Variants in TTC39B observed in about 807,000 individuals in gnomAD.
TTC39B encodes tetratricopeptide repeat domain 39B, also known as tetratricopeptide repeat protein 39B.
In TTC39B, 92 loss-of-function variants were observed where a neutral mutation model predicts 96.6. The observed-to-expected ratio is 0.95, with a 90% CI of 0.80 to 1.13. The LOEUF is 1.13. Among genes scored for constraint, TTC39B ranks in the 50% most tolerant of loss-of-function variants. The probability of loss-of-function intolerance (pLI) is 0.00; values close to 1 mark genes in which losing one functional copy is unlikely to be tolerated. For synonymous variants in TTC39B, 367 were observed against 299.4 expected (o/e 1.23, Z -2.33); for missense variants, 955 against 809.3 (o/e 1.18, Z -2.18).
At chr9:15,276,479 G>C (rs1389262137) in intron 1 of TTC39B, among the ~76,000 whole-genome samples, 1 of 152,316 alleles carries the variant, frequency 6.6e-6, no homozygotes, top group Non-Finnish European at 1.5e-5. Flanking sequence ...CATCAAGGTA[G>C]TCATGACTTG....
intron 1 of TTC39B, among the ~76,000 whole-genome samples, chr9:15,281,625 CAAA>C (rs1161175672): frequency 1.0e-4 from 5 of 48,994 alleles, no homozygotes; most frequent in Admixed American, 2.5e-4. Context: ...CCTGCAACAG[CAAA>C]AAAAAAAAAA....
intron 1 of TTC39B, among the ~76,000 whole-genome samples, chr9:15,303,620 T>C (rs1047462384): frequency 1.3e-5 from 2 of 152,116 alleles, no homozygotes; most frequent in Admixed American, 6.6e-5. Context: ...AACTTTTGTT[T>C]CATATGAGAA....
chr9:15,187,051 G>A lies in TTC39B; in HGVS notation c.1396-16C>T. ...CATAAGTTGCCTTGAGAAAAAGAAG[G>A]AGCTTATTACAGAACATCCCTAGGT... On this transcript the variant is annotated splice_polypyrimidine_tract_variant and intron_variant, in intron 14 of 19. Transcript: ENST00000512701. 1 of 1,600,552 alleles carries A rather than the reference G, an allele frequency of 6.2e-7. No individual in the cohort carries two copies. Among genetic ancestry groups the A allele is most frequent in the Non-Finnish European group, 8.5e-7 (1 of 1,171,444 alleles).
Position 15,214,248 on chromosome 9 carries a change from A to T in TTC39B, c.373T>A (p.Ser125Thr), listed in dbSNP as rs755639947. The T allele has an allele frequency of 4.3e-6, 7 of 1,612,132 alleles. No individual in the cohort carries two copies. The Admixed American group carries it at 1.2e-4, about 27-fold the overall frequency. The change falls in exon 4 of 20, where the codon TCA (serine) becomes ACA (threonine). Residue 125 changes from serine (S) to threonine (T), a missense_variant and splice_region_variant. Physicochemically the swap from Ser to Thr is moderately conservative, Grantham distance 58. Coordinates refer to ENST00000512701, the Ensembl canonical transcript of TTC39B. ...TTGAGATCCACCTTGGTTGATGATG[A>T]ACTAAAGATCAAGAAAAAAGCACAG...
At chr9:15,184,109 A>G (rs971773703) in intron 16 of TTC39B, among the ~76,000 whole-genome samples, 11 of 152,328 alleles carry the variant, frequency 7.2e-5, no homozygotes, top group Middle Eastern at 3.4e-3. Flanking sequence ...TTTACAAAAG[A>G]AAAAATAAAA....
At chr9:15,226,357 T>C (rs189285842) in intron 2 of TTC39B, among the ~76,000 whole-genome samples, 15 of 152,346 alleles carry the variant, frequency 9.8e-5, no homozygotes, top group African/African-American at 1.9e-4. Flanking sequence ...TTATTAAAGA[T>C]ACTTATTATA....
At chr9:15,297,642 T>C (rs965816145) in intron 1 of TTC39B, among the ~76,000 whole-genome samples, 6 of 152,176 alleles carry the variant, frequency 3.9e-5, no homozygotes, top group Non-Finnish European at 8.8e-5. Flanking sequence ...CCTTAATTAT[T>C]AGGTACCCTT....
chr9:15,237,048 C>T (rs763216611), intron 2 of TTC39B, among the ~76,000 whole-genome samples: 4 of 151,132 alleles, frequency 2.6e-5, no homozygotes, highest in African/African-American at 7.3e-5. Flanking sequence ...GGCACAGTGG[C>T]TCATGCCTGT....
intron 2 of TTC39B, among the ~76,000 whole-genome samples, chr9:15,234,878 G>C (rs1821695576): frequency 1.3e-5 from 2 of 151,714 alleles, no homozygotes; most frequent in African/African-American, 4.8e-5. Flanking sequence ...AAGTACCCAG[G>C]GACACAAACA....
rs762808455 is a variant in TTC39B at position 15,233,928 on chromosome 9, C to G, written c.276-7916G>C. Among the ~76,000 whole-genome samples, 79 of 151,814 alleles carry G rather than the reference C, an allele frequency of 5.2e-4. 5 individuals are homozygous for G. In the Middle Eastern group the frequency reaches 0.051, roughly 98 times the overall value. On this transcript the variant is annotated intron_variant, in intron 2 of 19. Transcript: ENST00000512701. ...GAAGTGAGGAGCGCCTCTTCCCCGC[C>G]GCCATCCCATCTAGGAAGTGAGGAG...
rs192423431 is a variant in TTC39B at position 15,230,662 on chromosome 9, G to A, written c.276-4650C>T. Among the ~76,000 whole-genome samples the A allele has an allele frequency of 1.1e-4, 16 of 152,128 alleles. No individual in the cohort carries two copies. The East Asian group carries it at 2.1e-3, about 20-fold the overall frequency. On this transcript the variant is annotated intron_variant, in intron 2 of 19. Transcript: ENST00000512701. Reference sequence around the variant, plus strand: ...ATAATTTGCATTTTGTGGCCATTACGAATAATGCTGTTATGAACATTCATG... The same window carrying A: ...ATAATTTGCATTTTGTGGCCATTACAAATAATGCTGTTATGAACATTCATG...
chr9:15,182,567 C>T, intron 16 of TTC39B, 152 bp from the exon 17 acceptor site: 2 of 492,354 alleles, frequency 4.1e-6, no homozygotes, highest in Non-Finnish European at 7.1e-6. Flanking sequence ...GCCTTTTATA[C>T]TGTGAAGCAA....
At chr9:15,187,062 A>G (rs1818569567) in intron 14 of TTC39B, 27 bp from the exon 15 acceptor site, 4 of 1,550,250 alleles carry the variant, frequency 2.6e-6, no homozygotes, top group Non-Finnish European at 3.5e-6. Context: ...AGCTTATTAC[A>G]GAACATCCCT....
chr9:15,198,146 A>C (rs1819284282), intron 8 of TTC39B, among the ~76,000 whole-genome samples: 1 of 152,160 alleles, frequency 6.6e-6, no homozygotes, highest in South Asian at 2.1e-4. Context: ...ATATATGTAA[A>C]TCTGCTATAC....
intron 1 of TTC39B, among the ~76,000 whole-genome samples, chr9:15,275,127 C>T (rs2131567654): frequency 6.6e-6 from 1 of 152,080 alleles, no homozygotes; most frequent in South Asian, 2.1e-4. Flanking sequence ...CTGCAACCTC[C>T]GCCCCTCCAG....
chr9:15,167,383 G>A (rs912298088), exon 20 of TTC39B: 5 of 151,464 alleles, frequency 3.3e-5, no homozygotes, highest in African/African-American at 7.3e-5. Context: ...TGGCCTAGTT[G>A]AGAAAGTCAG....
At chr9:15,192,806 C>T in intron 8 of TTC39B, 111 bp from the exon 9 acceptor site, 4 of 711,606 alleles carry the variant, frequency 5.6e-6, no homozygotes, top group Non-Finnish European at 9.2e-6. Context: ...AATTAAAATA[C>T]CATCAAAATT....
chr9:15,192,541 C>T (rs1286513408), intron 9 of TTC39B, 49 bp downstream of exon 9: 2 of 1,467,032 alleles, frequency 1.4e-6, no homozygotes, highest in Admixed American at 1.7e-5. Flanking sequence ...CACAGAAAAC[C>T]TTAGGTTCTT....
At chr9:15,228,547 G>A (rs932232200) in intron 2 of TTC39B, among the ~76,000 whole-genome samples, 4 of 152,154 alleles carry the variant, frequency 2.6e-5, no homozygotes, top group African/African-American at 4.8e-5. Flanking sequence ...TCAACTCACC[G>A]TAAACAGTAA....
Sources: gnomAD v4.1 joint callset for allele counts (sites outside exome capture counted in the v4.1 genomes callset) on GRCh38, gnomAD v4.1.1 for gene constraint, MANE v1.5 for transcripts, NCBI Gene and HGNC (gene_info 2026-07-23, HGNC 2026-07-21) for gene names.